The following NTM variants were observed in gnomAD, a reference collection of about 807,000 sequenced individuals.
The protein encoded by NTM is IgLON family member 2.
Under a neutral mutation model 42.1 loss-of-function variants are expected in NTM, and 13 were observed. The ratio of observed to expected loss-of-function variants is 0.31; its 90% CI spans 0.20 to 0.49. The LOEUF (loss-of-function observed/expected upper bound fraction) is 0.49, where lower values mean the gene tolerates loss of function less well. Ranked by LOEUF, NTM falls within the 20% of genes least tolerant of loss-of-function variation. NTM has a pLI of 0.99. For missense variants in NTM, 373 were observed against 452.8 expected, an observed-to-expected ratio of 0.82 and a Z score of 1.60; for synonymous variants, 187 against 179.2, an observed-to-expected ratio of 1.04 and a Z score of -0.35.
At chr11:131,660,314 C>T in intron 1 of NTM, 2 of 361,632 alleles carry the variant, frequency 5.5e-6, no homozygotes, top group South Asian at 4.1e-5. Context: ...AAGACAGATG[C>T]TGCAGGATGA....
At chr11:131,443,558 T>C (rs1949789486) in intron 1 of NTM, among the ~76,000 whole-genome samples, 1 of 152,164 alleles carries the variant, frequency 6.6e-6, no homozygotes, top group African/African-American at 2.4e-5. Context: ...AGTGCACAGG[T>C]GGTGTGGTAG....
At chr11:131,610,790 A>T (rs57021918) in intron 1 of NTM, among the ~76,000 whole-genome samples, 4,325 of 152,164 alleles carry the variant, frequency 0.028, 195 homozygotes, top group African/African-American at 0.099. Context: ...TGGGAGTGAA[A>T]CATATGTGGG....
At chr11:131,652,162 T>G (rs1027604287) in intron 1 of NTM, among the ~76,000 whole-genome samples, 2 of 152,060 alleles carry the variant, frequency 1.3e-5, no homozygotes, top group Non-Finnish European at 2.9e-5. Context: ...AAAATGGAAA[T>G]GTAAAAGAAG....
At chr11:132,283,561 G>C (rs1223001140) in intron 4 of NTM, among the ~76,000 whole-genome samples, 5 of 152,014 alleles carry the variant, frequency 3.3e-5, no homozygotes, top group Non-Finnish European at 7.4e-5. Flanking sequence ...ATTTATGCTT[G>C]AATAACAATT....
chr11:131,614,857 C>T (rs1476202153), intron 1 of NTM, among the ~76,000 whole-genome samples: 3 of 152,210 alleles, frequency 2.0e-5, no homozygotes, highest in African/African-American at 4.8e-5. Context: ...GGAGATGCCT[C>T]CCTCACGTGA....
At chr11:131,952,451 T>G (rs566284118) in intron 2 of NTM, among the ~76,000 whole-genome samples, 35 of 152,344 alleles carry the variant, frequency 2.3e-4, no homozygotes, top group Non-Finnish European at 4.0e-4. Context: ...ACACATATAC[T>G]CAGTAAACAT....
At chr11:131,880,451 G>A (rs1054234073) in intron 1 of NTM, among the ~76,000 whole-genome samples, 1 of 152,228 alleles carries the variant, frequency 6.6e-6, no homozygotes, top group African/African-American at 2.4e-5. Context: ...TGCTCAGCAG[G>A]TGCTAGGACA....
intron 2 of NTM, among the ~76,000 whole-genome samples, chr11:132,128,237 TG>T (rs1181144545): frequency 8.2e-6 from 1 of 122,450 alleles, no homozygotes; most frequent in Non-Finnish European, 1.8e-5. Flanking sequence ...TCTGTGAGTG[TG>T]TTTTTTTTTT....
At chr11:131,879,004 C>G (rs567420345) in intron 1 of NTM, among the ~76,000 whole-genome samples, 1 of 152,092 alleles carries the variant, frequency 6.6e-6, no homozygotes, top group Admixed American at 6.5e-5. Flanking sequence ...CTCCAATCCA[C>G]GGAACTCACT....
At position 131,705,226 on chromosome 11, in the gene NTM, A is replaced by G. The variant is rs570890088; in HGVS notation, c.83-206338A>G. On this transcript the variant is annotated intron_variant, in intron 1 of 8. Coordinates refer to ENST00000683400, the MANE Select transcript of NTM (RefSeq NM_001352005.2). ...AACCTAGAAAATTTCAGAAGCAGTA[A>G]GAGAAAAGTGACTTGTATTCAAGGG... Among the ~76,000 whole-genome samples, 7 of 152,338 alleles carry G rather than the reference A, an allele frequency of 4.6e-5. No individual in the cohort carries two copies. In the South Asian group the frequency reaches 1.4e-3, roughly 32 times the overall value.
At position 131,672,452 on chromosome 11, in the gene NTM, G is replaced by A. The variant is rs139198571; in HGVS notation, c.83-239112G>A. Among the ~76,000 whole-genome samples the A allele has an allele frequency of 3.5e-3, 536 of 152,258 alleles. 3 individuals carry two copies. The highest frequency in any genetic ancestry group is 0.012 in the African/African-American group (493 of 41,570). On this transcript the variant is annotated intron_variant, in intron 1 of 8. Coordinates refer to ENST00000683400, the MANE Select transcript of NTM (RefSeq NM_001352005.2). ...GAGCGCTGTGTGGCTCTGCAGCTCCGAGGAAACCGCATCAGACACCCCGAC... is the reference window on the plus strand; with the variant it reads ...GAGCGCTGTGTGGCTCTGCAGCTCCAAGGAAACCGCATCAGACACCCCGAC...
At chr11:132,187,214 CGT>C (rs55849086) in intron 3 of NTM, among the ~76,000 whole-genome samples, 49,042 of 148,100 alleles carry the variant, frequency 0.33, 8,101 homozygotes, top group East Asian at 0.62. Context: ...GCTCAGATGG[CGT>C]GTGTGTGTGT....
At chr11:131,941,689 C>A (rs1033000693) in intron 2 of NTM, among the ~76,000 whole-genome samples, 3 of 152,160 alleles carry the variant, frequency 2.0e-5, no homozygotes, top group African/African-American at 4.8e-5. Context: ...ATTGGGATAA[C>A]CTTGTAAAGC....
intron 1 of NTM, among the ~76,000 whole-genome samples, chr11:131,668,099 C>A (rs897733115): frequency 1.3e-5 from 2 of 152,142 alleles, no homozygotes; most frequent in African/African-American, 2.4e-5. Context: ...CAAGGCCTTG[C>A]AACTCACATG....
intron 2 of NTM, among the ~76,000 whole-genome samples, chr11:131,979,586 C>T (rs932040565): frequency 6.6e-6 from 1 of 152,178 alleles, no homozygotes; most frequent in Non-Finnish European, 1.5e-5. Flanking sequence ...ATATGATCTG[C>T]CAGTCTCTTA....
intron 1 of NTM, among the ~76,000 whole-genome samples, chr11:131,727,597 G>A (rs1039079665): frequency 6.6e-6 from 1 of 152,120 alleles, no homozygotes; most frequent in Admixed American, 6.5e-5. Flanking sequence ...TTGTTCAAAG[G>A]CAGACAGTCT....
intron 1 of NTM, among the ~76,000 whole-genome samples, chr11:131,634,737 T>G (rs1404951830): frequency 2.6e-5 from 4 of 152,132 alleles, no homozygotes; most frequent in Non-Finnish European, 5.9e-5. Flanking sequence ...GCAATATTTT[T>G]GTTGTTGTTG....
intron 2 of NTM, among the ~76,000 whole-genome samples, chr11:131,993,128 C>A (rs1194412027): frequency 6.6e-6 from 1 of 152,122 alleles, no homozygotes; most frequent in East Asian, 1.9e-4. Context: ...AGAGAGGAAA[C>A]CTTAACAAGA....
At chr11:131,908,191 T>C (rs2054141192) in intron 1 of NTM, among the ~76,000 whole-genome samples, 1 of 152,180 alleles carries the variant, frequency 6.6e-6, no homozygotes, top group African/African-American at 2.4e-5. Flanking sequence ...TTGTCTTAGA[T>C]CAACTGCATG....
Sources: gnomAD v4.1 joint callset for allele counts (sites outside exome capture counted in the v4.1 genomes callset) on GRCh38, gnomAD v4.1.1 for gene constraint, MANE v1.5 for transcripts, NCBI Gene and HGNC (gene_info 2026-07-23, HGNC 2026-07-21) for gene names.